SYNE3: variants seen among roughly 807,000 people sequenced by gnomAD.
The protein encoded by SYNE3 is spectrin repeat containing nuclear envelope family member 3.
SYNE3 carries 100 observed loss-of-function variants against 111.2 expected under a neutral mutation model. That is an observed-to-expected ratio of 0.90 (90% CI 0.77 to 1.06). The LOEUF is 1.06. Among genes scored for constraint, SYNE3 ranks in the 50% least tolerant of loss-of-function variants. SYNE3 has a pLI of 0.00. For missense variants in SYNE3, 1,160 were observed against 1,240.3 expected, an observed-to-expected ratio of 0.94 and a Z score of 0.97; for synonymous variants, 547 against 533.9, an observed-to-expected ratio of 1.02 and a Z score of -0.34.
At chr14:95,422,101 A>T (rs1015462399) in intron 17 of SYNE3, among the ~76,000 whole-genome samples, 1 of 152,130 alleles carries the variant, frequency 6.6e-6, no homozygotes, top group Non-Finnish European at 1.5e-5. Context: ...TGAATGAATG[A>T]AACCATGAAT....
chr14:95,440,330 G>A (rs375457088), intron 11 of SYNE3, among the ~76,000 whole-genome samples: 106 of 152,226 alleles, frequency 7.0e-4, no homozygotes, highest in Non-Finnish European at 1.5e-3. Flanking sequence ...GGGGGAAATT[G>A]GATCTCCTGT....
At chr14:95,465,416 C>T (rs1056746454) in intron 4 of SYNE3, among the ~76,000 whole-genome samples, 5 of 151,852 alleles carry the variant, frequency 3.3e-5, no homozygotes, top group Non-Finnish European at 7.4e-5. Context: ...GCTGGATAAA[C>T]GAGTGGGTGA....
intron 4 of SYNE3, among the ~76,000 whole-genome samples, chr14:95,458,095 C>T (rs1408087111): frequency 1.3e-5 from 2 of 152,184 alleles, no homozygotes; most frequent in Non-Finnish European, 2.9e-5. Flanking sequence ...TTTGGAAAAA[C>T]AGTGGTGTCC....
chr14:95,499,875 T>C (rs976204294), intron 1 of SYNE3, among the ~76,000 whole-genome samples: 1 of 145,154 alleles, frequency 6.9e-6, no homozygotes, highest in Non-Finnish European at 1.5e-5. Flanking sequence ...TTTTTTTTTT[T>C]TGAGATGGAG....
At chr14:95,457,395 G>T in intron 4 of SYNE3, 57 bp from the exon 5 acceptor site, 1 of 1,586,230 alleles carries the variant, frequency 6.3e-7, no homozygotes, top group Non-Finnish European at 8.6e-7. Context: ...CAGCCCAAAG[G>T]CCAGAAAGCC....
At chr14:95,448,287 C>A (rs1455584113) in intron 8 of SYNE3, among the ~76,000 whole-genome samples, 1 of 152,114 alleles carries the variant, frequency 6.6e-6, no homozygotes, top group East Asian at 1.9e-4. Context: ...CTCCAGGATG[C>A]CCTGAGGAGT....
At chr14:95,425,623 T>C (rs1036328529) in intron 17 of SYNE3, among the ~76,000 whole-genome samples, 1 of 152,238 alleles carries the variant, frequency 6.6e-6, no homozygotes, top group Admixed American at 6.5e-5. Context: ...TATCAACTGG[T>C]TCATCAGCCT....
At chr14:95,491,887 A>G (rs929593923) in intron 1 of SYNE3, among the ~76,000 whole-genome samples, 6 of 152,242 alleles carry the variant, frequency 3.9e-5, no homozygotes, top group African/African-American at 1.4e-4. Context: ...GAAAATCCAA[A>G]GAACTCTTAA....
intron 1 of SYNE3, among the ~76,000 whole-genome samples, chr14:95,479,303 G>A (rs1301549031): frequency 6.6e-6 from 1 of 150,916 alleles, no homozygotes; most frequent in East Asian, 1.9e-4. Flanking sequence ...GCGGCATTGA[G>A]CTATGATGGT....
intron 2 of SYNE3, among the ~76,000 whole-genome samples, chr14:95,472,954 G>A (rs79728043): frequency 0.038 from 5,856 of 152,268 alleles, 159 homozygotes; most frequent in Non-Finnish European, 0.059. Context: ...TGTCACTGCA[G>A]CAAACAGGCA....
chr14:95,436,949 A>G lies in SYNE3; in HGVS notation c.2409T>C (p.His803=). ...TCCTCAGGAGCTGGGAGAAATCTTC[A>G]TGGCTCCCTTCTTCTTCCTGTAGAA... The part of the protein sequence containing the change: ...ANLLQEEEGS[H]EDFSQLLRNF... Residue 803 remains histidine, a synonymous_variant, in exon 15 of 18, where the codon CAT becomes CAC. Transcript: ENST00000682763. 1 of 1,612,842 alleles carries G rather than the reference A, an allele frequency of 6.2e-7. No individual in the cohort carries two copies. The highest frequency in any genetic ancestry group is 8.5e-7 in the Non-Finnish European group (1 of 1,179,636).
In SYNE3 at chr14:95,416,201, C is replaced by T. The variant is rs565081130; in HGVS notation, c.*1625G>A. ...GTGAAATGTCCTAGTTGCCTAGGAC[C>T]CGGGTCCCCAAGGGCAGAGCTCACA... On this transcript the variant is annotated 3_prime_UTR_variant, in exon 18 of 18. Transcript: ENST00000682763. 9 of 152,186 alleles carry T rather than the reference C, an allele frequency of 5.9e-5. No individual in the cohort carries two copies. The highest frequency in any genetic ancestry group is 5.2e-4 in the Admixed American group (8 of 15,294). The allele number at this position is 152,186 out of a possible 1,614,324, so 9.4% of individuals were successfully genotyped here. A position where few individuals can be genotyped will look rare whatever the true frequency, so the allele number is the denominator to read the frequency against.
intron 4 of SYNE3, among the ~76,000 whole-genome samples, chr14:95,463,662 C>T (rs796247520): frequency 4.6e-5 from 7 of 152,356 alleles, no homozygotes; most frequent in African/African-American, 1.4e-4. Flanking sequence ...TGGATGAGGG[C>T]CAATTGGCTG....
In SYNE3 at chr14:95,417,785, A is replaced by G; in HGVS notation, c.*41T>C. The G allele has an allele frequency of 6.2e-7, 1 of 1,607,022 alleles. No individual in the cohort carries two copies. The highest frequency in any genetic ancestry group is 8.5e-7 in the Non-Finnish European group (1 of 1,173,616). On this transcript the variant is annotated 3_prime_UTR_variant, in exon 18 of 18. Transcript: ENST00000682763. ...ATCCTCAGGAGGGGCCCTGGGACTG[A>G]TGGAGGTTGGAGGAGAAAGTCACCT...
chr14:95,476,217 G>T (rs1888882873), intron 1 of SYNE3, among the ~76,000 whole-genome samples: 1 of 152,218 alleles, frequency 6.6e-6, no homozygotes, highest in Admixed American at 6.5e-5. Context: ...TAATGATCTT[G>T]ATTTGAATGG....
At chr14:95,426,160 T>C (rs1274326114) in intron 17 of SYNE3, among the ~76,000 whole-genome samples, 1 of 152,218 alleles carries the variant, frequency 6.6e-6, no homozygotes, top group East Asian at 1.9e-4. Flanking sequence ...AAATACTTCA[T>C]GACCAAAGTT....
At chr14:95,455,781 G>T in intron 5 of SYNE3, 57 bp from the exon 6 acceptor site, 1 of 1,555,800 alleles carries the variant, frequency 6.4e-7, no homozygotes, top group Non-Finnish European at 8.8e-7. Flanking sequence ...TACAGTTGCT[G>T]CATTTTCCAG....
intron 2 of SYNE3, among the ~76,000 whole-genome samples, chr14:95,472,131 C>T (rs1888567987): frequency 1.3e-5 from 2 of 152,228 alleles, no homozygotes; most frequent in Admixed American, 1.3e-4. Flanking sequence ...ATGAAGCCTG[C>T]AGGTCTCTAA....
At position 95,455,701 on chromosome 14, in the gene SYNE3, C is replaced by G. The variant is rs755123278; in HGVS notation, c.813G>C (p.Arg271Ser). The change falls in exon 6 of 18, where the codon AGG becomes AGC. Residue 271 changes from arginine to serine, a missense_variant. Physicochemically the swap from Arg to Ser is moderately radical, Grantham distance 110 (BLOSUM62 -1). Coordinates refer to ENST00000682763, the MANE Select transcript of SYNE3 (RefSeq NM_152592.6). Reference sequence around the variant, plus strand: ...CCAGCGTCTCCAGAGACTCCTCGCCCCTGGGAAAATCTTTGGCAATGTCCT... The same window carrying G: ...CCAGCGTCTCCAGAGACTCCTCGCCGCTGGGAAAATCTTTGGCAATGTCCT... ...TLQDIAKDFPRGEESLETLEE... is the reference protein window; with the variant it reads ...TLQDIAKDFPSGEESLETLEE... 6.2e-7 allele frequency: 1 copy of G among 1,614,022 alleles called. No homozygotes were observed. The highest frequency in any genetic ancestry group is 8.5e-7 in the Non-Finnish European group (1 of 1,180,052).
Sources: gnomAD v4.1 joint callset for allele counts (sites outside exome capture counted in the v4.1 genomes callset) on GRCh38, gnomAD v4.1.1 for gene constraint, MANE v1.5 for transcripts, NCBI Gene and HGNC (gene_info 2026-07-23, HGNC 2026-07-21) for gene names.